Variants in DNAH12 observed in about 807,000 individuals in gnomAD.
DNAH12 encodes the protein dynein axonemal heavy chain 12, also known as axonemal beta dynein heavy chain 12.
In DNAH12, 285 loss-of-function variants were observed where a neutral mutation model predicts 371.5. The observed-to-expected ratio is 0.77, with a 90% CI of 0.70 to 0.85. The LOEUF is 0.85. Ranked by LOEUF, DNAH12 falls within the 40% of genes least tolerant of loss-of-function variation. The probability of loss-of-function intolerance (pLI) is 0.00; values close to 1 mark genes in which losing one functional copy is unlikely to be tolerated. For missense variants in DNAH12, 3,611 were observed against 3,689.4 expected (o/e 0.98, Z 0.55); for synonymous variants, 1,200 against 1,213.0 (o/e 0.99, Z 0.22).
At chr3:57,362,767 A>G (rs1217398140) in intron 58 of DNAH12, among the ~76,000 whole-genome samples, 1 of 152,170 alleles carries the variant, frequency 6.6e-6, no homozygotes, top group African/African-American at 2.4e-5. Context: ...TCTGGATATT[A>G]GCCCTTTGCC....
At chr3:57,521,233 C>T (rs186761730) in intron 4 of DNAH12, among the ~76,000 whole-genome samples, 38 of 152,032 alleles carry the variant, frequency 2.5e-4, no homozygotes, top group African/African-American at 9.2e-4. Context: ...TACATTTACA[C>T]CTATGATCAA....
chr3:57,528,394 G>A lies in DNAH12; in HGVS notation c.171-4510C>T, dbSNP rs533232168. Among the ~76,000 whole-genome samples the A allele has an allele frequency of 5.3e-5, 8 of 151,904 alleles. No individual in the cohort carries two copies. The South Asian group carries it at 1.5e-3, about 28-fold the overall frequency. On this transcript the variant is annotated intron_variant, in intron 2 of 73. Coordinates refer to ENST00000495027, the MANE Select transcript of DNAH12 (RefSeq NM_001366028.2). The stretch of plus-strand genomic sequence containing the variant: ...TTTTGATAGAGATTGCATTGAATCT[G>A]TAGATATTTGGGGGGTAGTACAGAC...
chr3:57,519,692 C>G, intron 4 of DNAH12: 2 of 1,609,256 alleles, frequency 1.2e-6, no homozygotes, highest in Non-Finnish European at 1.7e-6. Flanking sequence ...CTTTGGGCCA[C>G]CCAGTCCTGC....
Position 57,366,050 on chromosome 3 carries a change from G to A in DNAH12, c.9167+679C>T, listed in dbSNP as rs934263912. Among the ~76,000 whole-genome samples, 40 of 152,010 alleles carry A rather than the reference G, an allele frequency of 2.6e-4. 1 individual carries two copies. Among genetic ancestry groups the A allele is most frequent in the Non-Finnish European group, 1.9e-4 (13 of 68,016 alleles). The stretch of plus-strand genomic sequence containing the variant: ...AACCTACTGGATTGCATTCCCAAAC[G>A]GTTGGGCATTCTAAGTCACAGGATG... On this transcript the variant is annotated intron_variant, in intron 57 of 73. Coordinates refer to ENST00000495027, the MANE Select transcript of DNAH12 (RefSeq NM_001366028.2).
intron 11 of DNAH12, among the ~76,000 whole-genome samples, chr3:57,496,044 T>G (rs1050088673): frequency 6.7e-6 from 1 of 150,066 alleles, no homozygotes; most frequent in Non-Finnish European, 1.5e-5. Flanking sequence ...TAATAAAGAA[T>G]GTTCATCAAG....
rs1449349515 is a variant in DNAH12, at chr3:57,394,191, C to T, written c.7090G>A (p.Glu2364Lys). ...GEVPNIFAAD[E>K]KQEVMEGVRP... is the part of the protein sequence containing the mutation. The stretch of plus-strand genomic sequence containing the variant: ...TTTACCTCCATCACTTCCTGCTTCT[C>T]ATCTGCTGCAAAAATGTTAGGCACT... The change falls in exon 44 of 74, where the codon GAG becomes AAG. Residue 2364 changes from glutamate (E) to lysine (K), a missense_variant. Transcript: ENST00000495027. The T allele has an allele frequency of 6.6e-6, 1 of 152,200 alleles. No homozygotes were observed. Among genetic ancestry groups the T allele is most frequent in the Non-Finnish European group, 1.5e-5 (1 of 68,030 alleles). The allele number at this position is 152,200 out of a possible 1,614,324, so 9.4% of individuals were successfully genotyped here. A position where few individuals can be genotyped will look rare whatever the true frequency, so the allele number is the denominator to read the frequency against.
At chr3:57,495,365 C>T (rs972295573) in intron 11 of DNAH12, among the ~76,000 whole-genome samples, 3 of 147,798 alleles carry the variant, frequency 2.0e-5, no homozygotes, top group Non-Finnish European at 4.4e-5. Flanking sequence ...TCGAGACCAG[C>T]ATGGCCAACA....
intron 63 of DNAH12, 55 bp downstream of exon 63, chr3:57,323,414 T>A (rs902477188): frequency 1.3e-6 from 2 of 1,486,882 alleles, no homozygotes; most frequent in Admixed American, 2.6e-5. Context: ...GGAATCAGTA[T>A]TGAGCAAGAT....
chr3:57,401,336 G>A (rs1405833300), intron 43 of DNAH12, among the ~76,000 whole-genome samples: 3 of 150,658 alleles, frequency 2.0e-5, no homozygotes, highest in East Asian at 2.0e-4. Flanking sequence ...GATTGCCTGA[G>A]CTCAGGAATT....
At chr3:57,373,220 T>C (rs1299420083) in intron 55 of DNAH12, among the ~76,000 whole-genome samples, 1 of 152,156 alleles carries the variant, frequency 6.6e-6, no homozygotes, top group Non-Finnish European at 1.5e-5. Flanking sequence ...TTACTAGACC[T>C]AAGGTGAATA....
rs2064107457 is a variant in DNAH12, at chr3:57,408,515, C to G, written c.6041G>C (p.Ser2014Thr). Residue 2014 changes from serine (S) to threonine (T), a missense_variant, in exon 40 of 74, where the codon AGT (serine) becomes ACT (threonine). By Grantham distance (58) the Ser-to-Thr change is moderately conservative. Transcript: ENST00000495027. ...CGHWYDLKDT[S>T]KITLVDIELI... ...CTCTATGTCCACCAGCGTGATTTTA[C>G]TTGTGTCCTTAAGGTCGTACCTTAG... 7 of 1,548,050 alleles carry G rather than the reference C, an allele frequency of 4.5e-6. No individual in the cohort carries two copies. The highest frequency in any genetic ancestry group is 1.4e-5 in the African/African-American group (1 of 72,936).
chr3:57,530,036 A>G (rs370247144), intron 2 of DNAH12, among the ~76,000 whole-genome samples: 2 of 152,022 alleles, frequency 1.3e-5, no homozygotes, highest in African/African-American at 4.8e-5. Flanking sequence ...ATCTGTTTGT[A>G]TAGTTTCCAA....
intron 40 of DNAH12, among the ~76,000 whole-genome samples, chr3:57,407,734 A>G (rs568334369): frequency 2.0e-5 from 3 of 152,212 alleles, no homozygotes; most frequent in Non-Finnish European, 4.4e-5. Flanking sequence ...AAATAAGTTA[A>G]AAACTGTTCT....
intron 49 of DNAH12, among the ~76,000 whole-genome samples, chr3:57,382,652 A>T (rs1387702216): frequency 6.6e-6 from 1 of 152,140 alleles, no homozygotes; most frequent in Non-Finnish European, 1.5e-5. Flanking sequence ...GCAGCTATAA[A>T]TCCACCAGAA....
At chr3:57,420,695 G>T (rs564586912) in intron 36 of DNAH12, among the ~76,000 whole-genome samples, 1 of 152,044 alleles carries the variant, frequency 6.6e-6, no homozygotes, top group African/African-American at 2.4e-5. Flanking sequence ...GGATCACGAG[G>T]TCAGGAGACT....
intron 10 of DNAH12, among the ~76,000 whole-genome samples, 189 bp downstream of exon 10, chr3:57,502,134 C>T (rs903673917): frequency 6.6e-6 from 1 of 152,128 alleles, no homozygotes; most frequent in Non-Finnish European, 1.5e-5. Context: ...GTCTCGATCT[C>T]CTGACCTTGT....
intron 29 of DNAH12, among the ~76,000 whole-genome samples, chr3:57,440,963 C>G (rs1450236344): frequency 6.6e-6 from 1 of 152,228 alleles, no homozygotes; most frequent in Non-Finnish European, 1.5e-5. Flanking sequence ...GTACTCCAGC[C>G]TGGGTAACAG....
chr3:57,456,636 C>G (rs768103225), intron 22 of DNAH12, among the ~76,000 whole-genome samples: 2 of 152,148 alleles, frequency 1.3e-5, no homozygotes, highest in African/African-American at 4.8e-5. Flanking sequence ...ATTTACCACT[C>G]GTGTCTGAAG....
intron 34 of DNAH12, among the ~76,000 whole-genome samples, chr3:57,427,011 T>C (rs2064791839): frequency 6.6e-6 from 1 of 152,110 alleles, no homozygotes; most frequent in Non-Finnish European, 1.5e-5. Context: ...AGAATCTTCA[T>C]AAAGTGGAAT....
Sources: allele counts gnomAD v4.1 joint callset (sites outside exome capture counted in the v4.1 genomes callset), GRCh38; gene constraint gnomAD v4.1.1; transcripts MANE v1.5; gene names NCBI Gene and HGNC (gene_info 2026-07-23, HGNC 2026-07-21).